PGPEP1L: variants seen among roughly 807,000 people sequenced by gnomAD.
PGPEP1L encodes pyroglutamyl-peptidase I like.
PGPEP1L carries 7 observed loss-of-function variants against 6.0 expected under a neutral mutation model. The observed-to-expected ratio is 1.17, with a 90% CI of 0.66 to 2.19. The LOEUF is 2.19. PGPEP1L is among the 30% of genes most tolerant of loss of function. PGPEP1L has a pLI of 0.00. For missense variants in PGPEP1L, 209 were observed against 192.5 expected (o/e 1.09, Z -0.51); for synonymous variants, 103 against 83.9 (o/e 1.23, Z -1.24).
chr15:98,979,630 ATTCTT>A (rs1234971310), intron 2 of PGPEP1L, among the ~76,000 whole-genome samples: 23 of 105,922 alleles, frequency 2.2e-4, no homozygotes, highest in African/African-American at 4.2e-4. Context: ...ATTGGAGACT[ATTCTT>A]TTTTTTTTTT....
intron 2 of PGPEP1L, among the ~76,000 whole-genome samples, chr15:98,996,062 TC>T (rs1555472473): frequency 1.3e-5 from 2 of 152,236 alleles, no homozygotes; most frequent in African/African-American, 4.8e-5. Context: ...TTTTACCTGA[TC>T]TTTTCAGTCT....
Position 98,968,516 on chromosome 15 carries a change from C to G in PGPEP1L, c.391G>C (p.Glu131Gln), listed in dbSNP as rs112952017. 1.5e-3 allele frequency: 2,416 copies of G among 1,613,672 alleles called. 10 individuals carry two copies. The highest frequency in any genetic ancestry group is 0.014 in the Middle Eastern group (87 of 6,060). The stretch of plus-strand genomic sequence containing the variant: ...GCTGGAAGGACCATGGTTGAGTTTT[C>G]TTCGAACTGGGCTCTGTGCTTGGGC... ...GKPKHRAQFE[E>Q]NSTMVLPAKG... Residue 131 changes from glutamate (E) to glutamine (Q), a missense_variant, in exon 5 of 5, where the codon GAA becomes CAA. Transcript: ENST00000535714.
At chr15:98,987,306 A>G (rs1398891903) in intron 2 of PGPEP1L, among the ~76,000 whole-genome samples, 5 of 151,538 alleles carry the variant, frequency 3.3e-5, no homozygotes, top group Non-Finnish European at 7.4e-5. Flanking sequence ...TCTGGCTCTC[A>G]CTACACCTGC....
At chr15:98,999,977 G>A (rs984793981) in intron 2 of PGPEP1L, among the ~76,000 whole-genome samples, 11 of 152,262 alleles carry the variant, frequency 7.2e-5, no homozygotes, top group African/African-American at 2.7e-4. Context: ...GCCCACCACT[G>A]CACTGTGGGA....
Position 98,968,626 on chromosome 15 carries a change from G to A in PGPEP1L, c.281C>T (p.Pro94Leu). The A allele has an allele frequency of 1.2e-6, 2 of 1,603,848 alleles. No individual in the cohort carries two copies. Among genetic ancestry groups the A allele is most frequent in the Non-Finnish European group, 1.7e-6 (2 of 1,174,996 alleles). ...GKGCAALIHV[P>L]PLSRGLPASL... ...GGCCGGGAGCCCGCGCGATAGTGGA[G>A]GGACATGGATGAGTGCCGCGCAGCC... The change falls in exon 5 of 5, where the codon CCT (proline) becomes CTT (leucine). Residue 94 changes from proline to leucine, a missense_variant. Pro to Leu is a moderately conservative substitution (Grantham distance 98, BLOSUM62 -3). Transcript: ENST00000535714.
intron 2 of PGPEP1L, among the ~76,000 whole-genome samples, chr15:98,975,303 A>G (rs1475090826): frequency 1.3e-5 from 2 of 152,206 alleles, no homozygotes; most frequent in African/African-American, 4.8e-5. Context: ...TAGAATGATG[A>G]TTACCAGAAG....
chr15:98,997,327 C>T lies in PGPEP1L; in HGVS notation c.-142+8102G>A, dbSNP rs146808962. ...CATCTGTACTGACAGCCTAGAAAAC[C>T]GATGCTGCAGCTGCTGCAAATGCAT... On this transcript the variant is annotated intron_variant, in intron 2 of 4. Coordinates refer to ENST00000535714, the MANE Select transcript of PGPEP1L (RefSeq NM_001167902.2). 2.4e-3 allele frequency among the ~76,000 whole-genome samples: 370 copies of T among 152,242 alleles called. 3 individuals carry two copies. Among genetic ancestry groups the T allele is most frequent in the African/African-American group, 8.2e-3 (340 of 41,530 alleles).
At chr15:98,974,384 A>C (rs1247106240) in intron 2 of PGPEP1L, among the ~76,000 whole-genome samples, 2 of 151,954 alleles carry the variant, frequency 1.3e-5, no homozygotes, top group African/African-American at 4.8e-5. Flanking sequence ...GTCTCAAAAA[A>C]AAATAAAAAT....
At chr15:99,006,922 G>T (rs1180849736) in intron 1 of PGPEP1L, among the ~76,000 whole-genome samples, 7 of 152,128 alleles carry the variant, frequency 4.6e-5, no homozygotes, top group African/African-American at 4.8e-5. Flanking sequence ...CTCCCTTCAG[G>T]GAAGCAGGCA....
chr15:98,988,747 C>T (rs1316946868), intron 2 of PGPEP1L, among the ~76,000 whole-genome samples: 4 of 152,212 alleles, frequency 2.6e-5, no homozygotes, highest in Admixed American at 1.3e-4. Context: ...AGAGCTCTGG[C>T]TGGCATCTGG....
chr15:98,970,992 C>T lies in PGPEP1L; in HGVS notation c.-19+44G>A, dbSNP rs374061172. ...CCCGGGGGTTCAGAGGCTCCAGCTC[C>T]ACATCGCCAGTCCCATGCCCCACTG... On this transcript the variant is annotated intron_variant, in intron 3 of 4. Coordinates refer to ENST00000535714, the MANE Select transcript of PGPEP1L (RefSeq NM_001167902.2). 1.7e-4 allele frequency: 272 copies of T among 1,609,398 alleles called. 1 individual carries two copies. In the East Asian group the frequency reaches 3.9e-3, roughly 23 times the overall value.
In PGPEP1L at chr15:98,988,642, A is replaced by C. The variant is rs534803039; in HGVS notation, c.-142+16787T>G. On this transcript the variant is annotated intron_variant, in intron 2 of 4. Coordinates refer to ENST00000535714, the MANE Select transcript of PGPEP1L (RefSeq NM_001167902.2). ...TCCCAGCAGTGTCTGATCTTTGATA[A>C]GGGACAGACTACCTCCTCCAGTGGG... Among the ~76,000 whole-genome samples, 479 of 145,580 alleles carry C rather than the reference A, an allele frequency of 3.3e-3. 7 individuals carry two copies. Among genetic ancestry groups the C allele is most frequent in the African/African-American group, 0.011 (414 of 38,972 alleles).
chr15:99,001,524 G>T (rs181460862), intron 2 of PGPEP1L, among the ~76,000 whole-genome samples: 44 of 152,252 alleles, frequency 2.9e-4, no homozygotes, highest in Non-Finnish European at 4.7e-4. Flanking sequence ...CTGAGCCACT[G>T]AATGTTACTC....
chr15:98,980,789 A>G (rs1170397420), intron 2 of PGPEP1L, among the ~76,000 whole-genome samples: 7 of 152,018 alleles, frequency 4.6e-5, no homozygotes, highest in African/African-American at 1.4e-4. Context: ...AAAATTAGCC[A>G]GGCGTGGTGG....
In PGPEP1L at chr15:98,999,049, T is replaced by G. The variant is rs570664474; in HGVS notation, c.-142+6380A>C. Among the ~76,000 whole-genome samples, 11 of 152,304 alleles carry G rather than the reference T, an allele frequency of 7.2e-5. No homozygotes were observed. The East Asian group carries it at 2.1e-3, about 29-fold the overall frequency. On this transcript the variant is annotated intron_variant, in intron 2 of 4. Transcript: ENST00000535714. ...GCTTTAAGGCTAGGCAAAGAGTTCT[T>G]AGATTTGAAACCAAAAGCAGGCTGC...
chr15:98,980,814 C>T (rs2017647502), intron 2 of PGPEP1L, among the ~76,000 whole-genome samples: 1 of 152,062 alleles, frequency 6.6e-6, no homozygotes, highest in Non-Finnish European at 1.5e-5. Context: ...TGCCTGTAGT[C>T]CCAGCTGTTC....
At chr15:98,985,820 T>C (rs1289993971) in intron 2 of PGPEP1L, among the ~76,000 whole-genome samples, 1 of 152,228 alleles carries the variant, frequency 6.6e-6, no homozygotes, top group Non-Finnish European at 1.5e-5. Flanking sequence ...TGAACTACTC[T>C]GCATAAAAAG....
At chr15:98,970,644 G>A (rs1298380072) in intron 3 of PGPEP1L, among the ~76,000 whole-genome samples, 1 of 152,106 alleles carries the variant, frequency 6.6e-6, no homozygotes, top group Admixed American at 6.5e-5. Flanking sequence ...CCCTAGGCTG[G>A]CCACCCTCCC....
At position 99,001,945 on chromosome 15, in the gene PGPEP1L, T is replaced by TG. The variant is rs570301948; in HGVS notation, c.-142+3483dup. ...GTTGGCCAGGCTGGTCTCGAACTCC[T>TG]GCCCTAAGTGATCCACCCCTCTGGG... On this transcript the variant is annotated intron_variant, in intron 2 of 4. Transcript: ENST00000535714. 5.3e-4 allele frequency among the ~76,000 whole-genome samples: 80 copies of TG among 152,302 alleles called. 1 individual carries two copies. The highest frequency in any genetic ancestry group is 2.6e-3 in the Admixed American group (39 of 15,288).
Sources: allele counts gnomAD v4.1 joint callset (sites outside exome capture counted in the v4.1 genomes callset), GRCh38; gene constraint gnomAD v4.1.1; transcripts MANE v1.5; gene names NCBI Gene and HGNC (gene_info 2026-07-23, HGNC 2026-07-21).